Variants in ZNF385B observed in about 807,000 individuals in gnomAD.
ZNF385B encodes the protein zinc finger protein 385B.
ZNF385B carries 23 observed loss-of-function variants against 39.2 expected under a neutral mutation model. The observed-to-expected ratio is 0.59, with a 90% confidence interval of 0.42 to 0.83. The LOEUF is 0.83. ZNF385B is among the 40% of genes least tolerant of loss of function. ZNF385B has a pLI of 0.00. For synonymous variants in ZNF385B, 205 were observed against 222.6 expected, an observed-to-expected ratio of 0.92 and a Z score of 0.70; for missense variants, 552 against 598.9, an observed-to-expected ratio of 0.92 and a Z score of 0.82.
intron 6 of ZNF385B, among the ~76,000 whole-genome samples, chr2:179,474,074 T>C (rs1170180471): frequency 1.3e-5 from 2 of 151,790 alleles, no homozygotes; most frequent in Non-Finnish European, 2.9e-5. Flanking sequence ...CCTTCATTAA[T>C]ATAGCTTTAT....
At chr2:179,689,838 T>C (rs1437823216) in intron 3 of ZNF385B, among the ~76,000 whole-genome samples, 2 of 151,278 alleles carry the variant, frequency 1.3e-5, no homozygotes, top group Non-Finnish European at 2.9e-5. Flanking sequence ...TATTTGTTTT[T>C]ATCCCAGACT....
At chr2:179,688,167 A>G (rs987562256) in intron 3 of ZNF385B, among the ~76,000 whole-genome samples, 5 of 152,156 alleles carry the variant, frequency 3.3e-5, no homozygotes, top group African/African-American at 1.2e-4. Context: ...GGAAGAGTAG[A>G]AAGAAAGCAG....
At chr2:179,847,141 TAC>T (rs1708837885) in intron 1 of ZNF385B, among the ~76,000 whole-genome samples, 1 of 152,240 alleles carries the variant, frequency 6.6e-6, no homozygotes, top group Non-Finnish European at 1.5e-5. Context: ...TCTTGTCTGC[TAC>T]ACATTCTATT....
intron 6 of ZNF385B, among the ~76,000 whole-genome samples, chr2:179,463,687 CT>C (rs1239165627): frequency 2.6e-5 from 4 of 152,090 alleles, no homozygotes; most frequent in Admixed American, 6.6e-5. Flanking sequence ...ATGAACTCAT[CT>C]TTTTTATGGC....
chr2:179,545,084 G>A (rs1056295013), intron 3 of ZNF385B, 115 bp from the exon 4 acceptor site: 5 of 1,323,964 alleles, frequency 3.8e-6, no homozygotes, highest in Non-Finnish European at 5.3e-6. Flanking sequence ...AGAGAGTTAT[G>A]CTGTAAGTAA....
rs60633100 is a variant in ZNF385B, at chr2:179,608,842, CTGTGTGTGTGTGTGTGTG to C, written c.299-63891_299-63874del. Among the ~76,000 whole-genome samples, 285 of 134,688 alleles carry C rather than the reference CTGTGTGTGTGTGTGTGTG, an allele frequency of 2.1e-3. 2 individuals carry two copies. The highest frequency in any genetic ancestry group is 4.1e-3 in the African/African-American group (147 of 35,546). 88.4% of individuals were successfully genotyped at this position (134,688 alleles called of 152,430 possible). A position where few individuals can be genotyped will look rare whatever the true frequency, so the allele number is the denominator to read the frequency against. On this transcript the variant is annotated intron_variant, in intron 3 of 9. Coordinates refer to ENST00000410066, the MANE Select transcript of ZNF385B (RefSeq NM_152520.6). ...AATGTAAGTTCCTGAAGGGCCAAGA[CTGTGTGTGTGTGTGTGTG>C]TGTGTGTGTGTGTGTGTGTGTGTGT...
At chr2:179,592,742 A>G (rs939627884) in intron 3 of ZNF385B, among the ~76,000 whole-genome samples, 1 of 152,086 alleles carries the variant, frequency 6.6e-6, no homozygotes, top group African/African-American at 2.4e-5. Context: ...AATTAAACGG[A>G]AGTATGTTAG....
At chr2:179,456,228 G>T (rs150772463) in intron 6 of ZNF385B, among the ~76,000 whole-genome samples, 110 of 152,226 alleles carry the variant, frequency 7.2e-4, no homozygotes, top group African/African-American at 2.5e-3. Flanking sequence ...AAAAATTGCT[G>T]GGACAAAGAT....
At chr2:179,485,670 T>C (rs2054492082) in intron 5 of ZNF385B, among the ~76,000 whole-genome samples, 2 of 152,210 alleles carry the variant, frequency 1.3e-5, no homozygotes, top group South Asian at 2.1e-4. Context: ...ATCATATCTA[T>C]ATATTTGCTC....
intron 3 of ZNF385B, among the ~76,000 whole-genome samples, chr2:179,727,459 G>T (rs1701094057): frequency 2.0e-5 from 3 of 151,956 alleles, no homozygotes; most frequent in Admixed American, 6.6e-5. Context: ...AATAATATCT[G>T]AAAAATGTGT....
At chr2:179,504,709 A>C (rs2057094412) in intron 5 of ZNF385B, among the ~76,000 whole-genome samples, 1 of 152,022 alleles carries the variant, frequency 6.6e-6, no homozygotes, top group Non-Finnish European at 1.5e-5. Flanking sequence ...CCTAATGTTA[A>C]ATGACAAGTT....
intron 3 of ZNF385B, among the ~76,000 whole-genome samples, chr2:179,575,658 G>A (rs1354308919): frequency 6.6e-6 from 1 of 152,058 alleles, no homozygotes; most frequent in Non-Finnish European, 1.5e-5. Context: ...GCCAGACCCA[G>A]GGGAAGAATA....
intron 1 of ZNF385B, among the ~76,000 whole-genome samples, chr2:179,773,748 G>T (rs1200212908): frequency 2.0e-5 from 3 of 152,174 alleles, no homozygotes; most frequent in Non-Finnish European, 4.4e-5. Flanking sequence ...ACAATCCAAT[G>T]AGAAATACAG....
At chr2:179,798,618 C>T (rs1481437027) in intron 1 of ZNF385B, among the ~76,000 whole-genome samples, 1 of 152,032 alleles carries the variant, frequency 6.6e-6, no homozygotes, top group Non-Finnish European at 1.5e-5. Context: ...GTGTCAGGAT[C>T]ACAATATGAT....
chr2:179,782,969 C>G (rs567637114), intron 1 of ZNF385B, among the ~76,000 whole-genome samples: 1 of 152,110 alleles, frequency 6.6e-6, no homozygotes, highest in Admixed American at 6.6e-5. Context: ...CTTCAGAGAA[C>G]TAGAAAACAA....
intron 1 of ZNF385B, among the ~76,000 whole-genome samples, chr2:179,772,423 T>C (rs954183672): frequency 4.6e-5 from 7 of 152,178 alleles, no homozygotes; most frequent in African/African-American, 1.7e-4. Context: ...GTTCACCAAA[T>C]CCCAATTTAT....
At chr2:179,803,822 C>T (rs1007706703) in intron 1 of ZNF385B, among the ~76,000 whole-genome samples, 1 of 152,038 alleles carries the variant, frequency 6.6e-6, no homozygotes, top group Admixed American at 6.6e-5. Flanking sequence ...AACTAAATAT[C>T]CAACTTAGTT....
intron 1 of ZNF385B, among the ~76,000 whole-genome samples, chr2:179,804,596 C>T (rs1706234535): frequency 6.6e-6 from 1 of 152,160 alleles, no homozygotes; most frequent in Non-Finnish European, 1.5e-5. Flanking sequence ...CCTATCTGTA[C>T]CTCAGTTTCC....
At chr2:179,681,194 A>C (rs1697482443) in intron 3 of ZNF385B, among the ~76,000 whole-genome samples, 1 of 151,658 alleles carries the variant, frequency 6.6e-6, no homozygotes, top group Non-Finnish European at 1.5e-5. Context: ...TAAATTTATT[A>C]AGGTCAATAA....
Sources: allele counts gnomAD v4.1 joint callset (sites outside exome capture counted in the v4.1 genomes callset), GRCh38; gene constraint gnomAD v4.1.1; transcripts MANE v1.5; gene names NCBI Gene and HGNC (gene_info 2026-07-23, HGNC 2026-07-21).